The following ASTN2 variants were observed in gnomAD, a reference collection of about 807,000 sequenced individuals.
ASTN2 encodes the protein astrotactin-2.
ASTN2 carries 54 observed loss-of-function variants against 139.8 expected under a neutral mutation model. That is an observed-to-expected ratio of 0.39 (90% CI 0.31 to 0.48). The LOEUF is 0.48. Ranked by LOEUF, ASTN2 falls within the 20% of genes least tolerant of loss-of-function variation. The probability of loss-of-function intolerance (pLI) is 0.95; values close to 1 mark genes in which losing one functional copy is unlikely to be tolerated. For missense variants in ASTN2, 1,565 were observed against 1,725.1 expected (o/e 0.91, Z 1.64); for synonymous variants, 756 against 719.5 (o/e 1.05, Z -0.81).
intron 3 of ASTN2, among the ~76,000 whole-genome samples, chr9:117,207,662 C>T (rs1422207873): frequency 6.6e-6 from 1 of 152,164 alleles, no homozygotes; most frequent in African/African-American, 2.4e-5. Context: ...AGAAACATCC[C>T]TTTGAGCAGC....
intron 13 of ASTN2, among the ~76,000 whole-genome samples, chr9:116,796,938 A>T (rs558826414): frequency 1.3e-4 from 20 of 151,938 alleles, no homozygotes; most frequent in African/African-American, 3.9e-4. Flanking sequence ...CAGCCTCTCA[A>T]GTAGCTGTGA....
At chr9:116,441,858 T>C (rs1273114128) in intron 21 of ASTN2, among the ~76,000 whole-genome samples, 1 of 152,200 alleles carries the variant, frequency 6.6e-6, no homozygotes, top group East Asian at 1.9e-4. Context: ...ATTGACTGAT[T>C]ATATTTTTTC....
intron 11 of ASTN2, among the ~76,000 whole-genome samples, chr9:116,838,113 T>TG (rs1313179137): frequency 7.9e-5 from 11 of 138,832 alleles, no homozygotes; most frequent in East Asian, 2.7e-4. Context: ...TTTTTTTTGT[T>TG]TTGTTTTGTT....
intron 13 of ASTN2, among the ~76,000 whole-genome samples, chr9:116,765,252 A>T (rs559940217): frequency 3.3e-5 from 5 of 152,258 alleles, no homozygotes; most frequent in South Asian, 4.2e-4. Flanking sequence ...CTCTGCATTC[A>T]TCAACCAGAC....
chr9:116,965,864 T>C (rs1037583524), intron 10 of ASTN2, among the ~76,000 whole-genome samples: 1 of 152,162 alleles, frequency 6.6e-6, no homozygotes, highest in Non-Finnish European at 1.5e-5. Context: ...AATTCATCCC[T>C]TTACCATCTG....
At chr9:117,341,324 T>G (rs1488945855) in intron 1 of ASTN2, among the ~76,000 whole-genome samples, 1 of 152,150 alleles carries the variant, frequency 6.6e-6, no homozygotes, top group Non-Finnish European at 1.5e-5. Flanking sequence ...AGGAATGATC[T>G]GCCAAAGCAT....
chr9:117,026,910 C>CG (rs11417995), intron 6 of ASTN2, among the ~76,000 whole-genome samples: 50,496 of 151,966 alleles, frequency 0.33, 9,159 homozygotes, highest in African/African-American at 0.49. Flanking sequence ...GATGCACAAA[C>CG]GAGGCTTAGA....
intron 1 of ASTN2, among the ~76,000 whole-genome samples, chr9:117,318,516 T>C (rs761906410): frequency 3.3e-5 from 5 of 152,130 alleles, no homozygotes; most frequent in Non-Finnish European, 7.3e-5. Context: ...TTATCAGATG[T>C]TGAAGAGCCT....
chr9:116,911,269 A>C (rs1224249878), intron 10 of ASTN2, among the ~76,000 whole-genome samples: 2 of 152,198 alleles, frequency 1.3e-5, no homozygotes, highest in African/African-American at 4.8e-5. Flanking sequence ...AGTTTAAGAA[A>C]GATCAAGACG....
intron 19 of ASTN2, among the ~76,000 whole-genome samples, chr9:116,517,098 GA>G (rs1850683160): frequency 6.6e-6 from 1 of 152,314 alleles, no homozygotes; most frequent in African/African-American, 2.4e-5. Context: ...TACCACCTGA[GA>G]AACCTGAATA....
In ASTN2 at chr9:117,008,156, C is replaced by A. The variant is rs1837413449; in HGVS notation, c.1527G>T (p.Trp509Cys). 6.2e-7 allele frequency: 1 copy of A among 1,611,026 alleles called. No individual in the cohort carries two copies. Residue 509 changes from tryptophan (W) to cysteine (C), a missense_variant, in exon 7 of 23, where the codon TGG becomes TGT. Trp to Cys is a radical substitution (Grantham distance 215, BLOSUM62 -2). Transcript: ENST00000313400. ...LYYQINATSP[W>C]VRDLCGQRTT... ...TCCTTTGTCCACAGAGGTCCCTCAC[C>A]CATGGGGAGGTGGCATTGATCTGGT...
chr9:117,301,078 T>C (rs1182080216), intron 1 of ASTN2, among the ~76,000 whole-genome samples: 1 of 152,206 alleles, frequency 6.6e-6, no homozygotes, highest in African/African-American at 2.4e-5. Flanking sequence ...GAGAAAAGCA[T>C]ATCGTTTCAG....
intron 10 of ASTN2, among the ~76,000 whole-genome samples, chr9:116,899,279 G>A (rs1833949654): frequency 6.6e-6 from 1 of 152,146 alleles, no homozygotes; most frequent in South Asian, 2.1e-4. Flanking sequence ...CCAATCAGGA[G>A]AAGCTGTTAG....
At chr9:117,160,954 C>T (rs978950415) in intron 3 of ASTN2, among the ~76,000 whole-genome samples, 6 of 151,928 alleles carry the variant, frequency 3.9e-5, no homozygotes, top group South Asian at 2.1e-4. Flanking sequence ...CACACACACA[C>T]GCACACATAC....
chr9:117,260,534 A>G (rs1833797765), intron 2 of ASTN2, among the ~76,000 whole-genome samples: 1 of 152,178 alleles, frequency 6.6e-6, no homozygotes, highest in African/African-American at 2.4e-5. Flanking sequence ...ACAATCAAGA[A>G]TCGACAACCT....
At chr9:116,749,715 G>T (rs898327311) in intron 13 of ASTN2, among the ~76,000 whole-genome samples, 1 of 152,192 alleles carries the variant, frequency 6.6e-6, no homozygotes, top group Non-Finnish European at 1.5e-5. Flanking sequence ...CCTGTTGGAG[G>T]TGATTGGATC....
intron 1 of ASTN2, among the ~76,000 whole-genome samples, chr9:117,343,923 C>T (rs1829134970): frequency 6.6e-6 from 1 of 151,814 alleles, no homozygotes; most frequent in South Asian, 2.1e-4. Flanking sequence ...GCAGCAAGGA[C>T]AGAAGAAAGT....
At chr9:116,651,103 G>C (rs972808035) in intron 17 of ASTN2, among the ~76,000 whole-genome samples, 1 of 151,934 alleles carries the variant, frequency 6.6e-6, no homozygotes, top group Non-Finnish European at 1.5e-5. Context: ...TTTTAGTAGA[G>C]ATGGGGTTTC....
At chr9:116,948,698 AGT>A (rs112233837) in intron 10 of ASTN2, among the ~76,000 whole-genome samples, 11,928 of 135,194 alleles carry the variant, frequency 0.088, 951 homozygotes, top group East Asian at 0.24. Context: ...TATATGTGTG[AGT>A]GTGTGTGTGT....
Sources: gnomAD v4.1 joint callset for allele counts (sites outside exome capture counted in the v4.1 genomes callset) on GRCh38, gnomAD v4.1.1 for gene constraint, MANE v1.5 for transcripts, NCBI Gene and HGNC (gene_info 2026-07-23, HGNC 2026-07-21) for gene names.